Variants in C1orf87 observed in about 807,000 individuals in gnomAD.
C1orf87 encodes the protein uncharacterized protein C1orf87.
Under a neutral mutation model 60.5 loss-of-function variants are expected in C1orf87, and 58 were observed. The ratio of observed to expected loss-of-function variants is 0.96; its 90% CI spans 0.78 to 1.19. The LOEUF is 1.19. Among genes scored for constraint, C1orf87 ranks in the 50% most tolerant of loss-of-function variants. The pLI is 0.00. For synonymous variants in C1orf87, 236 were observed against 227.4 expected, an observed-to-expected ratio of 1.04 and a Z score of -0.34; for missense variants, 673 against 638.6, an observed-to-expected ratio of 1.05 and a Z score of -0.58.
At chr1:60,027,284 A>G (rs1373442340) in intron 7 of C1orf87, among the ~76,000 whole-genome samples, 1 of 152,042 alleles carries the variant, frequency 6.6e-6, no homozygotes, top group Non-Finnish European at 1.5e-5. Flanking sequence ...CAGAGCCACT[A>G]TTTCCCTGCT....
chr1:60,049,738 A>G (rs1385774965), intron 3 of C1orf87, among the ~76,000 whole-genome samples: 2 of 152,116 alleles, frequency 1.3e-5, no homozygotes, highest in African/African-American at 2.4e-5. Context: ...CTTTACACTT[A>G]AACCTTTGAT....
chr1:60,071,180 C>T (rs190016945), intron 2 of C1orf87, among the ~76,000 whole-genome samples: 5 of 152,116 alleles, frequency 3.3e-5, no homozygotes, highest in Admixed American at 1.3e-4. Context: ...GAAAGAGGTT[C>T]GATTTTTTGT....
At chr1:60,061,185 A>G (rs1645494186) in intron 2 of C1orf87, among the ~76,000 whole-genome samples, 1 of 152,216 alleles carries the variant, frequency 6.6e-6, no homozygotes, top group Admixed American at 6.5e-5. Flanking sequence ...AATCAGGAAT[A>G]TATAAAAAGA....
chr1:59,995,142 A>C (rs1038091182), intron 11 of C1orf87, among the ~76,000 whole-genome samples: 1 of 152,252 alleles, frequency 6.6e-6, no homozygotes. Context: ...GTTCAGAAGC[A>C]TGAGAAATCT....
chr1:60,072,343 A>G (rs1186696080), intron 2 of C1orf87, among the ~76,000 whole-genome samples, 194 bp downstream of exon 2: 4 of 152,220 alleles, frequency 2.6e-5, no homozygotes, highest in African/African-American at 9.6e-5. Context: ...AGTATGGGGA[A>G]TTATAAAGAT....
Position 60,001,064 on chromosome 1 carries a change from C to T in C1orf87, c.1272+13G>A. On this transcript the variant is annotated intron_variant, in intron 10 of 11. Transcript: ENST00000371201. ...AAACCTTCCCCCAAACTCTATATACCCCAGGTGCATACCATATGTTCAGTT... is the reference window on the plus strand; with the variant it reads ...AAACCTTCCCCCAAACTCTATATACTCCAGGTGCATACCATATGTTCAGTT... 6.2e-7 allele frequency: 1 copy of T among 1,602,122 alleles called. No homozygotes were observed. The highest frequency in any genetic ancestry group is 8.5e-7 in the Non-Finnish European group (1 of 1,170,992).
At chr1:60,025,322 T>G in intron 8 of C1orf87, 79 bp downstream of exon 8, 2 of 1,158,340 alleles carry the variant, frequency 1.7e-6, no homozygotes, top group Non-Finnish European at 2.5e-6. Context: ...CCATCATATT[T>G]GAAGTTAAAG....
chr1:59,997,419 A>G (rs1306945347), intron 11 of C1orf87, among the ~76,000 whole-genome samples, 190 bp downstream of exon 11: 1 of 152,180 alleles, frequency 6.6e-6, no homozygotes. Context: ...CAGAGAAATT[A>G]TAAGCAATCT....
intron 8 of C1orf87, among the ~76,000 whole-genome samples, chr1:60,014,338 G>A (rs547484727): frequency 4.6e-5 from 7 of 152,282 alleles, no homozygotes; most frequent in Admixed American, 4.6e-4. Context: ...TTAGGGCACA[G>A]CTTGGGGCAA....
intron 2 of C1orf87, among the ~76,000 whole-genome samples, chr1:60,059,236 A>G (rs1257866542): frequency 5.9e-5 from 9 of 152,168 alleles, no homozygotes; most frequent in African/African-American, 1.9e-4. Context: ...AGGCTTGTGT[A>G]CCATCTACCT....
chr1:60,035,007 T>C (rs537896204), intron 6 of C1orf87, among the ~76,000 whole-genome samples: 1 of 152,200 alleles, frequency 6.6e-6, no homozygotes, highest in South Asian at 2.1e-4. Context: ...TAATATATAA[T>C]ATTTTCCAAA....
chr1:60,072,073 A>T (rs1448916603), intron 2 of C1orf87, among the ~76,000 whole-genome samples: 1 of 152,208 alleles, frequency 6.6e-6, no homozygotes, highest in Non-Finnish European at 1.5e-5. Context: ...CTTAGCCATG[A>T]TCTGAGAAGC....
rs987451598 is a variant in C1orf87 at position 60,055,130 on chromosome 1, G to A, written c.342+74C>T. 2.0e-5 allele frequency: 25 copies of A among 1,271,724 alleles called. No homozygotes were observed. The Admixed American group carries it at 4.3e-4, about 22-fold the overall frequency. 78.8% of individuals were successfully genotyped at this position (1,271,724 alleles called of 1,614,324 possible). On this transcript the variant is annotated intron_variant, in intron 3 of 11. Transcript: ENST00000371201. ...ATGAACATTTGTACAGTGTGTTTTT[G>A]TGTGAACCTATGTTTTTATCTATAT...
At chr1:60,050,167 C>G (rs1212329542) in intron 3 of C1orf87, among the ~76,000 whole-genome samples, 2 of 151,986 alleles carry the variant, frequency 1.3e-5, no homozygotes, top group Non-Finnish European at 2.9e-5. Context: ...AAACCGAACA[C>G]TATTTTTTTG....
intron 2 of C1orf87, among the ~76,000 whole-genome samples, chr1:60,067,800 G>T (rs182805392): frequency 2.0e-5 from 3 of 152,040 alleles, no homozygotes; most frequent in East Asian, 3.9e-4. Context: ...CTTTGCCTAT[G>T]CCTCTGTTCT....
intron 6 of C1orf87, among the ~76,000 whole-genome samples, chr1:60,034,255 C>T (rs186356957): frequency 2.0e-5 from 3 of 152,192 alleles, no homozygotes; most frequent in Non-Finnish European, 2.9e-5. Context: ...GTCTGTCTAA[C>T]AGACTATCGT....
chr1:60,022,109 A>ATTT (rs60437294), intron 8 of C1orf87, among the ~76,000 whole-genome samples: 1,482 of 138,122 alleles, frequency 0.011, 52 homozygotes, highest in Admixed American at 0.069. Flanking sequence ...GAGGACTTTG[A>ATTT]TTTTTTTTTT....
At chr1:60,017,688 A>G (rs985463145) in intron 8 of C1orf87, among the ~76,000 whole-genome samples, 11 of 152,212 alleles carry the variant, frequency 7.2e-5, no homozygotes, top group African/African-American at 2.7e-4. Flanking sequence ...GTTCCTGGCC[A>G]AGAACACGGA....
intron 9 of C1orf87, among the ~76,000 whole-genome samples, chr1:60,004,151 C>T (rs965732968): frequency 2.6e-5 from 4 of 152,038 alleles, no homozygotes; most frequent in Middle Eastern, 3.4e-3. Flanking sequence ...TGAAGCAGTA[C>T]GTGGGGAAAG....
Sources: allele counts gnomAD v4.1 joint callset (sites outside exome capture counted in the v4.1 genomes callset), GRCh38; gene constraint gnomAD v4.1.1; transcripts MANE v1.5; gene names NCBI Gene and HGNC (gene_info 2026-07-23, HGNC 2026-07-21).